Variants in TMOD1 observed in about 807,000 individuals in gnomAD.
The protein encoded by TMOD1 is tropomodulin-1.
TMOD1 carries 17 observed loss-of-function variants against 40.6 expected under a neutral mutation model. The ratio of observed to expected loss-of-function variants is 0.42; its 90% confidence interval spans 0.29 to 0.63. TMOD1 has a LOEUF of 0.63. Among genes scored for constraint, TMOD1 ranks in the 20% least tolerant of loss-of-function variants. The pLI, the probability that TMOD1 is intolerant of heterozygous loss-of-function variation, is 0.22. For missense variants in TMOD1, 391 were observed against 447.6 expected (o/e 0.87, Z 1.14); for synonymous variants, 181 against 175.0 (o/e 1.03, Z -0.27).
In TMOD1 at chr9:97,598,327, C is replaced by CAAAAAA. The variant is rs71369518; in HGVS notation, c.1016-1290_1016-1285dup. On this transcript the variant is annotated intron_variant, in intron 9 of 9. Coordinates refer to ENST00000259365, the MANE Select transcript of TMOD1 (RefSeq NM_003275.4). Reference sequence around the variant, plus strand: ...TGTGTGACAGAGCGAAACTCCATCTCAAAAAAAAAAAAAAAAAAAAAAGGC... The same window carrying CAAAAAA: ...TGTGTGACAGAGCGAAACTCCATCTCAAAAAAAAAAAAAAAAAAAAAAAAAAAAGGC... Among the ~76,000 whole-genome samples, 75 of 71,148 alleles carry CAAAAAA rather than the reference C, an allele frequency of 1.1e-3. 1 individual carries two copies. The East Asian group carries it at 0.017, about 16-fold the overall frequency. 46.7% of individuals were successfully genotyped at this position (71,148 alleles called of 152,430 possible).
In TMOD1 at chr9:97,524,434, CTTTGCA is replaced by C. The variant is rs1187650736; in HGVS notation, c.120+127_120+132del. The C allele has an allele frequency of 3.3e-6, 4 of 1,226,248 alleles. No individual in the cohort carries two copies. The African/African-American group carries it at 6.1e-5, about 19-fold the overall frequency. 76.0% of individuals were successfully genotyped at this position (1,226,248 alleles called of 1,614,324 possible). A position where few individuals can be genotyped will look rare whatever the true frequency, so the allele number is the denominator to read the frequency against. On this transcript the variant is annotated intron_variant, in intron 2 of 9. Transcript: ENST00000259365. ...GGCAATGACATTGGTATAACTTTGC[CTTTGCA>C]GATTTTTCTTTTAATGTGTTGTATT...
chr9:97,583,981 T>G (rs1361693894), intron 8 of TMOD1, among the ~76,000 whole-genome samples: 1 of 151,654 alleles, frequency 6.6e-6, no homozygotes, highest in African/African-American at 2.4e-5. Flanking sequence ...TTTTGAAGGG[T>G]TTTTTTTGTC....
chr9:97,564,214 G>A (rs1417436798), intron 6 of TMOD1, 46 bp downstream of exon 6: 1 of 1,549,644 alleles, frequency 6.5e-7, no homozygotes, highest in East Asian at 2.4e-5. Flanking sequence ...CTGGGGGAGG[G>A]GGAACCATGT....
At chr9:97,532,582 T>C (rs1021430085) in intron 2 of TMOD1, among the ~76,000 whole-genome samples, 1 of 151,940 alleles carries the variant, frequency 6.6e-6, no homozygotes, top group Non-Finnish European at 1.5e-5. Flanking sequence ...ATTTAGCAAA[T>C]GTTAAAATTT....
intron 1 of TMOD1, among the ~76,000 whole-genome samples, chr9:97,511,506 G>A (rs914477859): frequency 9.9e-5 from 15 of 152,138 alleles, no homozygotes; most frequent in Non-Finnish European, 1.9e-4. Flanking sequence ...CTCTGCCATC[G>A]CTGCTCACAG....
chr9:97,519,865 A>G (rs1384430463), intron 1 of TMOD1, among the ~76,000 whole-genome samples: 1 of 152,042 alleles, frequency 6.6e-6, no homozygotes, highest in East Asian at 1.9e-4. Context: ...ATAATGGCTA[A>G]TATCTGTGAA....
intron 7 of TMOD1, among the ~76,000 whole-genome samples, chr9:97,567,791 A>G (rs907205262): frequency 6.6e-6 from 1 of 152,104 alleles, no homozygotes; most frequent in African/African-American, 2.4e-5. Context: ...GGAGGGGGCG[A>G]TGATTTCAAA....
intron 8 of TMOD1, among the ~76,000 whole-genome samples, chr9:97,583,413 T>C (rs1312070588): frequency 1.3e-5 from 2 of 151,256 alleles, no homozygotes; most frequent in Non-Finnish European, 3.0e-5. Flanking sequence ...CAGTATTTTA[T>C]TGAGGATTTT....
At position 97,562,855 on chromosome 9, in the gene TMOD1, T is replaced by C. The variant is rs1830662137; in HGVS notation, c.487+34T>C. 4.6e-6 allele frequency: 7 copies of C among 1,522,454 alleles called. No individual in the cohort carries two copies. In the East Asian group the frequency reaches 1.7e-4, roughly 37 times the overall value. 94.3% of individuals were successfully genotyped at this position (1,522,454 alleles called of 1,614,324 possible). On this transcript the variant is annotated intron_variant, in intron 5 of 9. Transcript: ENST00000259365. ...GCGCCCGCCCCCAGGAGGGACCTCA[T>C]GCTTCTTGCTTCCTCCACTCACTGA...
chr9:97,551,014 ATTTTTTTTTTT>A (rs55700746), intron 3 of TMOD1, among the ~76,000 whole-genome samples: 2,673 of 104,022 alleles, frequency 0.026, 150 homozygotes, highest in African/African-American at 0.1. Flanking sequence ...ATATATATAT[ATTTTTTTTTTT>A]TTTTTTTTTT....
chr9:97,505,591 C>T (rs1191427229), intron 1 of TMOD1, among the ~76,000 whole-genome samples: 1 of 152,146 alleles, frequency 6.6e-6, no homozygotes, highest in African/African-American at 2.4e-5. Flanking sequence ...CCACTCCTAC[C>T]CCTATTCTCT....
chr9:97,555,545 T>C, intron 4 of TMOD1: 1 of 1,493,424 alleles, frequency 6.7e-7, no homozygotes, highest in Admixed American at 2.5e-5. Flanking sequence ...AACGACGCAA[T>C]ATGCTGCCGA....
At chr9:97,551,011 T>C (rs1377077233) in intron 3 of TMOD1, among the ~76,000 whole-genome samples, 1 of 40,060 alleles carries the variant, frequency 2.5e-5, no homozygotes, top group Non-Finnish European at 4.3e-5. Flanking sequence ...TATATATATA[T>C]ATATTTTTTT....
chr9:97,511,988 C>G (rs1381665444), intron 1 of TMOD1, among the ~76,000 whole-genome samples: 1 of 152,314 alleles, frequency 6.6e-6, no homozygotes, highest in East Asian at 1.9e-4. Flanking sequence ...TGGGGAGCCA[C>G]AGACCTCTTC....
At chr9:97,588,143 T>C (rs1054334020) in intron 8 of TMOD1, among the ~76,000 whole-genome samples, 15 of 152,242 alleles carry the variant, frequency 9.9e-5, no homozygotes, top group Admixed American at 5.9e-4. Flanking sequence ...ATATGGTAGC[T>C]CTATGTTTAA....
chr9:97,505,409 AC>A lies in TMOD1; in HGVS notation c.-49+3610del, dbSNP rs1829575971. 2.6e-5 allele frequency among the ~76,000 whole-genome samples: 4 copies of A among 152,084 alleles called. No individual in the cohort carries two copies. In the South Asian group the frequency reaches 8.3e-4, roughly 32 times the overall value. ...TCACTCTGGGGCTTCAAGGGTGGTGACCCCAGGGCCGTTTCTAGCGATGATT... is the reference window on the plus strand; with the variant it reads ...TCACTCTGGGGCTTCAAGGGTGGTGACCCAGGGCCGTTTCTAGCGATGATT... On this transcript the variant is annotated intron_variant, in intron 1 of 9. Transcript: ENST00000259365.
chr9:97,512,963 T>C (rs1475413075), intron 1 of TMOD1: 1 of 152,190 alleles, frequency 6.6e-6, no homozygotes, highest in Non-Finnish European at 1.5e-5. Flanking sequence ...TTAAAAAAGA[T>C]AATTACCACC....
intron 1 of TMOD1, among the ~76,000 whole-genome samples, chr9:97,508,228 A>G (rs1829626380): frequency 6.6e-6 from 1 of 151,638 alleles, no homozygotes; most frequent in Non-Finnish European, 1.5e-5. Context: ...TCGCTCTGTC[A>G]CCCAGGCTGG....
At chr9:97,559,841 ATC>A (rs1830610241) in intron 4 of TMOD1, among the ~76,000 whole-genome samples, 2 of 81,764 alleles carry the variant, frequency 2.4e-5, no homozygotes, top group African/African-American at 6.0e-5. Context: ...CTATCTATCT[ATC>A]TATCTATCTC....
Sources: gnomAD v4.1 joint callset for allele counts (sites outside exome capture counted in the v4.1 genomes callset) on GRCh38, gnomAD v4.1.1 for gene constraint, MANE v1.5 for transcripts, NCBI Gene and HGNC (gene_info 2026-07-23, HGNC 2026-07-21) for gene names.